CCR6: variants seen among roughly 807,000 people sequenced by gnomAD.
CCR6 encodes C-C motif chemokine receptor 6.
A neutral mutation model predicts 3.0 loss-of-function variants in CCR6; 2 were observed. The ratio of observed to expected loss-of-function variants is 0.66; its 90% CI spans 0.27 to 2.07. The LOEUF (loss-of-function observed/expected upper bound fraction) is 2.07. CCR6 is among the 30% of genes most tolerant of loss of function. CCR6 has a pLI of 0.14. For missense variants in CCR6, 322 were observed against 462.8 expected (o/e 0.70, Z 2.79); for synonymous variants, 193 against 184.3 (o/e 1.05, Z -0.38).
rs1453750109 is a variant in CCR6 at position 167,139,118 on chromosome 6, T to C, written c.*1763T>C. On this transcript the variant is annotated 3_prime_UTR_variant, in exon 3 of 3. Transcript: ENST00000341935. ...AAAGCATGGCTTTGGCTTTGCAAAATAAAAAATGTGTTTTGTACATGAAGT... is the reference window on the plus strand; with the variant it reads ...AAAGCATGGCTTTGGCTTTGCAAAACAAAAAATGTGTTTTGTACATGAAGT... The C allele has an allele frequency of 6.6e-6, 1 of 152,268 alleles. No individual in the cohort carries two copies. 9.4% of individuals were successfully genotyped at this position (152,268 alleles called of 1,614,324 possible).
intron 1 of CCR6, among the ~76,000 whole-genome samples, chr6:167,132,240 A>AT (rs759619168): frequency 1.3e-5 from 2 of 152,106 alleles, no homozygotes; most frequent in African/African-American, 2.4e-5. Context: ...GTTCACAGAC[A>AT]TTTGGGTCTT....
chr6:167,130,354 A>G (rs41463845), intron 1 of CCR6, among the ~76,000 whole-genome samples: 8 of 151,816 alleles, frequency 5.3e-5, no homozygotes, highest in Non-Finnish European at 1.0e-4. Flanking sequence ...AAGAAGGAAC[A>G]GAAATATCTA....
intron 1 of CCR6, 91 bp from the exon 2 acceptor site, chr6:167,135,939 ACTCTGTTC>A (rs1562561243): frequency 1.6e-6 from 1 of 624,608 alleles, no homozygotes; most frequent in African/African-American, 1.8e-5. Flanking sequence ...TGTGCTGTGC[ACTCTGTTC>A]ACACGAGATG....
At chr6:167,131,275 C>T (rs1273519351) in intron 1 of CCR6, 2 of 152,246 alleles carry the variant, frequency 1.3e-5, no homozygotes, top group African/African-American at 4.8e-5. Flanking sequence ...AGTTCATAAA[C>T]ATTTGTTGAA....
intron 1 of CCR6, among the ~76,000 whole-genome samples, chr6:167,125,652 G>C (rs1187013253): frequency 6.6e-6 from 1 of 152,178 alleles, no homozygotes; most frequent in Non-Finnish European, 1.5e-5. Flanking sequence ...AACTGAACAC[G>C]GCCTTAAATC....
At chr6:167,132,265 G>A (rs1399986076) in intron 1 of CCR6, among the ~76,000 whole-genome samples, 6 of 152,084 alleles carry the variant, frequency 3.9e-5, no homozygotes, top group Non-Finnish European at 5.9e-5. Flanking sequence ...AGTTTGGGAC[G>A]GTTAAGAATA....
chr6:167,121,880 G>A (rs928334850), upstream of CCR6, among the ~76,000 whole-genome samples: 3 of 152,174 alleles, frequency 2.0e-5, no homozygotes, highest in Non-Finnish European at 2.9e-5. Context: ...AACAGAAAAG[G>A]CCCTTCTTTT....
chr6:167,119,517 G>A (rs1157145442), upstream of CCR6, among the ~76,000 whole-genome samples: 1 of 152,160 alleles, frequency 6.6e-6, no homozygotes, highest in Non-Finnish European at 1.5e-5. Context: ...ATTTATAACA[G>A]GTGTTCTCCT....
At chr6:167,133,338 C>T (rs1361997459) in intron 1 of CCR6, among the ~76,000 whole-genome samples, 1 of 152,128 alleles carries the variant, frequency 6.6e-6, no homozygotes, top group Admixed American at 6.5e-5. Context: ...TCATGTCATT[C>T]CAGGACCATT....
chr6:167,138,534 A>G lies in CCR6; in HGVS notation c.*1179A>G, dbSNP rs1043211717. 6.6e-6 allele frequency: 1 copy of G among 152,388 alleles called. No individual in the cohort carries two copies. The highest frequency in any genetic ancestry group is 6.5e-5 in the Admixed American group (1 of 15,292). 9.4% of individuals were successfully genotyped at this position (152,388 alleles called of 1,614,324 possible). A position where few individuals can be genotyped will look rare whatever the true frequency, so the allele number is the denominator to read the frequency against. ...GATTTTAACAGCTCTCTTCAATGAC[A>G]TAGAAAGTTCATGGAACTCATGTTT... On this transcript the variant is annotated 3_prime_UTR_variant, in exon 3 of 3. Coordinates refer to ENST00000341935, the MANE Select transcript of CCR6 (RefSeq NM_031409.4).
intron 1 of CCR6, among the ~76,000 whole-genome samples, chr6:167,112,688 G>A (rs576382267): frequency 6.6e-6 from 1 of 152,256 alleles, no homozygotes; most frequent in South Asian, 2.1e-4. Context: ...ATGAACAAGG[G>A]CAGCAGGCGG....
At chr6:167,119,466 C>T (rs1239256944), upstream of CCR6, 2 of 152,174 alleles carry the variant, frequency 1.3e-5, no homozygotes, top group Non-Finnish European at 2.9e-5. Flanking sequence ...GTGTGCTGTA[C>T]ATAGTAACTA....
chr6:167,121,392 C>T (rs540015330), upstream of CCR6: 1 of 152,388 alleles, frequency 6.6e-6, no homozygotes, highest in African/African-American at 2.4e-5. Flanking sequence ...GGCTAATCAT[C>T]TATAAAAGGG....
upstream of CCR6, among the ~76,000 whole-genome samples, chr6:167,121,915 G>A (rs1052949046): frequency 2.0e-5 from 3 of 152,180 alleles, no homozygotes; most frequent in African/African-American, 7.2e-5. Context: ...AGCCACTGGG[G>A]CCAGCAGAGT....
At chr6:167,126,630 A>T (rs1781673028) in intron 1 of CCR6, 1 of 152,302 alleles carries the variant, frequency 6.6e-6, no homozygotes, top group South Asian at 2.1e-4. Context: ...GGCCCCTAGG[A>T]GCTGCTCAGA....
rs1781844377 is a variant in CCR6 at position 167,136,015 on chromosome 6, A to G, written c.-97-23A>G. On this transcript the variant is annotated intron_variant, in intron 1 of 2. Transcript: ENST00000341935. The surrounding 1 kb of genome is among the most constrained non-coding windows in gnomAD (Gnocchi z 4.6). ...GGAATACCTGTGTTAACTGTAGTGC[A>G]TTTTGCCTTCTTTCCTTCTTAGAGT... is the stretch of plus-strand genomic sequence containing the variant. 12 of 1,087,764 alleles carry G rather than the reference A, an allele frequency of 1.1e-5. No homozygotes were observed. In the South Asian group the frequency reaches 1.5e-4, roughly 13 times the overall value. The allele number at this position is 1,087,764 out of a possible 1,614,324, so 67.4% of individuals were successfully genotyped here.
chr6:167,127,668 A>G (rs1335401481), intron 1 of CCR6, among the ~76,000 whole-genome samples: 4 of 152,230 alleles, frequency 2.6e-5, no homozygotes, highest in African/African-American at 4.8e-5. Flanking sequence ...TAATGATTCA[A>G]TAACAAAAAC....
rs570653272 is a variant in CCR6 at position 167,115,831 on chromosome 6, C to T, written c.-98+3817C>T. 2.0e-5 allele frequency: 3 copies of T among 152,278 alleles called. No individual in the cohort carries two copies. In the East Asian group the frequency reaches 5.8e-4, roughly 29 times the overall value. The allele number at this position is 152,278 out of a possible 1,614,324, so 9.4% of individuals were successfully genotyped here. Reference sequence around the variant, plus strand: ...ATATTTCTACCTCCTTATACAAACACCATTATGATTTTCATGTCTCTTCTC... The same window carrying T: ...ATATTTCTACCTCCTTATACAAACATCATTATGATTTTCATGTCTCTTCTC... On this transcript the variant is annotated intron_variant, in intron 1 of 2. Transcript: ENST00000400926.
intron 1 of CCR6, among the ~76,000 whole-genome samples, chr6:167,133,341 G>A (rs1206852033): frequency 6.6e-6 from 1 of 152,174 alleles, no homozygotes; most frequent in Non-Finnish European, 1.5e-5. Flanking sequence ...TGTCATTCCA[G>A]GACCATTTAC....
Sources: allele counts gnomAD v4.1 joint callset (sites outside exome capture counted in the v4.1 genomes callset), GRCh38; gene constraint gnomAD v4.1.1; non-coding constraint Gnocchi (gnomAD v3.1); transcripts MANE v1.5; gene names NCBI Gene and HGNC (gene_info 2026-07-23, HGNC 2026-07-21).